LNPK: variants seen among roughly 807,000 people sequenced by gnomAD.
LNPK encodes the protein lunapark, ER junction formation factor, also known as endoplasmic reticulum junction formation protein lunapark.
Under a neutral mutation model 55.2 loss-of-function variants are expected in LNPK, and 29 were observed. That is an observed-to-expected ratio of 0.53 (90% CI 0.39 to 0.72). The LOEUF (loss-of-function observed/expected upper bound fraction) is 0.72, where lower values mean the gene tolerates loss of function less well. Among genes scored for constraint, LNPK ranks in the 30% least tolerant of loss-of-function variants. The pLI is 0.00. For missense variants in LNPK, 467 were observed against 494.8 expected (o/e 0.94, Z 0.53); for synonymous variants, 162 against 168.2 (o/e 0.96, Z 0.29).
Position 175,927,961 on chromosome 2 carries a change from C to T in LNPK, c.*2006G>A, listed in dbSNP as rs79284352. 3 of 152,082 alleles carry T rather than the reference C, an allele frequency of 2.0e-5. No homozygotes were observed. The highest frequency in any genetic ancestry group is 4.8e-5 in the African/African-American group (2 of 41,412). The allele number at this position is 152,082 out of a possible 1,614,324, so 9.4% of individuals were successfully genotyped here. A position where few individuals can be genotyped will look rare whatever the true frequency, so the allele number is the denominator to read the frequency against. On this transcript the variant is annotated 3_prime_UTR_variant, in exon 13 of 13. Coordinates refer to ENST00000272748, the MANE Select transcript of LNPK (RefSeq NM_030650.3). ...TTTCTCTGAGGTACTCACTCATTTT[C>T]AAGCAATGTATATCAGAATTTGAAT...
intron 5 of LNPK, among the ~76,000 whole-genome samples, chr2:175,977,291 AT>A (rs1364100810): frequency 6.6e-6 from 1 of 152,196 alleles, no homozygotes; most frequent in Admixed American, 6.5e-5. Context: ...GGCTATTTAA[AT>A]TTAAGCTATT....
chr2:175,987,605 A>G (rs959300243), intron 4 of LNPK, among the ~76,000 whole-genome samples: 1 of 152,062 alleles, frequency 6.6e-6, no homozygotes, highest in Admixed American at 6.6e-5. Flanking sequence ...GCACACCAAC[A>G]TGGCACGTGT....
intron 4 of LNPK, among the ~76,000 whole-genome samples, chr2:175,983,915 T>A: frequency 6.9e-6 from 1 of 145,932 alleles, no homozygotes; most frequent in African/African-American, 2.6e-5. Flanking sequence ...TAACTCAAAA[T>A]GGATTATGAA....
At chr2:175,994,979 G>C (rs1687866835) in intron 2 of LNPK, among the ~76,000 whole-genome samples, 1 of 146,822 alleles carries the variant, frequency 6.8e-6, no homozygotes, top group Non-Finnish European at 1.5e-5. Flanking sequence ...TGGAGTGCAG[G>C]GGCACAAGCT....
intron 6 of LNPK, among the ~76,000 whole-genome samples, chr2:175,967,193 G>A (rs988269049): frequency 3.0e-4 from 46 of 152,150 alleles, no homozygotes; most frequent in Middle Eastern, 3.4e-3. Context: ...ATCAGCTATC[G>A]TTAGTGTTAA....
chr2:175,995,672 TGTTAA>T, intron 1 of LNPK, 26 bp from the exon 2 acceptor site: 1 of 1,175,904 alleles, frequency 8.5e-7, no homozygotes, highest in Non-Finnish European at 1.3e-6. Context: ...GTATTTAAAA[TGTTAA>T]GTTAAACACA....
Position 175,929,041 on chromosome 2 carries a change from C to A in LNPK, c.*926G>T, listed in dbSNP as rs560425587. ...CAGATTTATTGTATTGTGAGCTATT[C>A]CTCCTAAGATTTTTCAGGTAGCCAA... On this transcript the variant is annotated 3_prime_UTR_variant, in exon 13 of 13. Coordinates refer to ENST00000272748, the MANE Select transcript of LNPK (RefSeq NM_030650.3). 36 of 819,692 alleles carry A rather than the reference C, an allele frequency of 4.4e-5. No individual in the cohort carries two copies. The highest frequency in any genetic ancestry group is 3.9e-4 in the South Asian group (7 of 17,764). 50.8% of individuals were successfully genotyped at this position (819,692 alleles called of 1,614,324 possible). A position where few individuals can be genotyped will look rare whatever the true frequency, so the allele number is the denominator to read the frequency against.
intron 5 of LNPK, among the ~76,000 whole-genome samples, 164 bp from the exon 6 acceptor site, chr2:175,970,968 T>G (rs1023409477): frequency 6.6e-6 from 1 of 152,118 alleles, no homozygotes; most frequent in Admixed American, 6.5e-5. Flanking sequence ...CACCCACATA[T>G]AGTTCATATT....
At chr2:175,973,020 T>C (rs966588709) in intron 5 of LNPK, among the ~76,000 whole-genome samples, 1 of 152,236 alleles carries the variant, frequency 6.6e-6, no homozygotes, top group African/African-American at 2.4e-5. Context: ...ATGGCAATCC[T>C]GCTTCTTGTT....
intron 9 of LNPK, among the ~76,000 whole-genome samples, chr2:175,940,798 T>C (rs1559030748): frequency 2.0e-5 from 3 of 152,204 alleles, no homozygotes; most frequent in East Asian, 1.9e-4. Context: ...GTATGCTAAG[T>C]AGACATAAAA....
At chr2:175,950,699 C>CA (rs1685354156) in intron 8 of LNPK, among the ~76,000 whole-genome samples, 1 of 152,078 alleles carries the variant, frequency 6.6e-6, no homozygotes, top group African/African-American at 2.4e-5. Context: ...CTACCTTTTC[C>CA]AAGTTGATGA....
chr2:175,948,529 C>G (rs1044071969), intron 8 of LNPK, among the ~76,000 whole-genome samples: 1 of 152,136 alleles, frequency 6.6e-6, no homozygotes, highest in African/African-American at 2.4e-5. Flanking sequence ...ATGACTTGTA[C>G]TCAGTAACAT....
intron 10 of LNPK, 117 bp from the exon 11 acceptor site, chr2:175,938,500 A>G: frequency 2.0e-6 from 1 of 501,008 alleles, no homozygotes; most frequent in East Asian, 3.1e-5. Flanking sequence ...ATGCCATAAC[A>G]AATTATATGA....
chr2:175,976,063 T>C (rs1048038262), intron 5 of LNPK, among the ~76,000 whole-genome samples: 2 of 151,940 alleles, frequency 1.3e-5, no homozygotes, highest in Non-Finnish European at 2.9e-5. Flanking sequence ...AACTTGTTTG[T>C]AGTACAAAAA....
At chr2:175,995,330 C>G (rs1358677606) in intron 2 of LNPK, among the ~76,000 whole-genome samples, 1 of 152,012 alleles carries the variant, frequency 6.6e-6, no homozygotes. Context: ...AAAAATAATT[C>G]ATACATCCAA....
chr2:175,982,688 C>T (rs1319120015), intron 4 of LNPK, among the ~76,000 whole-genome samples: 1 of 152,064 alleles, frequency 6.6e-6, no homozygotes, highest in Non-Finnish European at 1.5e-5. Flanking sequence ...AACCATCATG[C>T]CTAGCCCTTT....
intron 12 of LNPK, chr2:175,931,967 A>G (rs1298949477): frequency 3.3e-6 from 1 of 302,834 alleles, no homozygotes; most frequent in Non-Finnish European, 6.7e-6. Context: ...CTGGCCATAG[A>G]GCAGTATTTA....
chr2:175,993,581 G>A (rs925714737), intron 2 of LNPK, among the ~76,000 whole-genome samples: 4 of 152,042 alleles, frequency 2.6e-5, no homozygotes, highest in African/African-American at 9.7e-5. Flanking sequence ...CAAGGTGGGC[G>A]GATCACTTAG....
Position 175,929,874 on chromosome 2 carries a change from T to C in LNPK, c.*93A>G. 4 of 1,554,568 alleles carry C rather than the reference T, an allele frequency of 2.6e-6. No homozygotes were observed. The highest frequency in any genetic ancestry group is 1.9e-5 in the Admixed American group (1 of 53,156). Reference sequence around the variant, plus strand: ...TTCAAATGATACACAAGCATACCCTTAGAGGGGCAAAAAAAGTAAGTGCCA... The same window carrying C: ...TTCAAATGATACACAAGCATACCCTCAGAGGGGCAAAAAAAGTAAGTGCCA... On this transcript the variant is annotated 3_prime_UTR_variant, in exon 13 of 13. Transcript: ENST00000272748.
Sources: gnomAD v4.1 joint callset for allele counts (sites outside exome capture counted in the v4.1 genomes callset) on GRCh38, gnomAD v4.1.1 for gene constraint, MANE v1.5 for transcripts, NCBI Gene and HGNC (gene_info 2026-07-23, HGNC 2026-07-21) for gene names.